FAT4: variants seen among roughly 807,000 people sequenced by gnomAD.
The protein encoded by FAT4 is protocadherin Fat 4.
FAT4 carries 84 observed loss-of-function variants against 303.9 expected under a neutral mutation model. That is an observed-to-expected ratio of 0.28 (90% confidence interval 0.23 to 0.33). The LOEUF is 0.33. Among genes scored for constraint, FAT4 ranks in the 10% least tolerant of loss-of-function variants. The probability of loss-of-function intolerance (pLI) is 1.00; values close to 1 mark genes in which losing one functional copy is unlikely to be tolerated. For missense variants in FAT4, 6,005 were observed against 6,146.8 expected (o/e 0.98, Z 0.77); for synonymous variants, 2,307 against 2,298.8 (o/e 1.00, Z -0.10).
At chr4:125,402,299 A>AATTT (rs1209323083) in intron 3 of FAT4, among the ~76,000 whole-genome samples, 10 of 151,908 alleles carry the variant, frequency 6.6e-5, no homozygotes, top group African/African-American at 2.4e-4. Context: ...CCAAGTACTT[A>AATTT]CTATTTTCAT....
intron 10 of FAT4, among the ~76,000 whole-genome samples, chr4:125,456,984 A>G (rs942608162): frequency 2.0e-5 from 3 of 151,948 alleles, no homozygotes; most frequent in African/African-American, 7.2e-5. Context: ...TATTTTTCAT[A>G]CTCTACTTTT....
At position 125,463,544 on chromosome 4, in the gene FAT4, T is replaced by G. The variant is rs763320798; in HGVS notation, c.11801-19T>G. The G allele has an allele frequency of 6.7e-7, 1 of 1,483,352 alleles. No homozygotes were observed. The highest frequency in any genetic ancestry group is 9.2e-7 in the Non-Finnish European group (1 of 1,087,818). The allele number at this position is 1,483,352 out of a possible 1,614,324, so 91.9% of individuals were successfully genotyped here. A position where few individuals can be genotyped will look rare whatever the true frequency, so the allele number is the denominator to read the frequency against. On this transcript the variant is annotated intron_variant, in intron 10 of 17. Transcript: ENST00000394329. ...TTTATGTATGAGATTTAAAAAAAAC[T>G]GAATTTGATATATTTTAGGGAAAAT...
At chr4:125,342,191 G>A (rs376658647) in intron 2 of FAT4, among the ~76,000 whole-genome samples, 72 of 151,980 alleles carry the variant, frequency 4.7e-4, no homozygotes, top group African/African-American at 1.5e-3. Context: ...ACATATTAAA[G>A]AGTACTATAA....
chr4:125,491,109 G>A lies in FAT4; in HGVS notation c.14293G>A (p.Gly4765Ser). The A allele has an allele frequency of 1.2e-6, 2 of 1,614,132 alleles. No individual in the cohort carries two copies. The highest frequency in any genetic ancestry group is 2.2e-5 in the South Asian group (2 of 91,088). The change falls in exon 18 of 18, where the codon GGT becomes AGT. Residue 4765 changes from glycine (G) to serine (S), a missense_variant. Physicochemically the swap from Gly to Ser is moderately conservative, Grantham distance 56. Transcript: ENST00000394329. ...SKSPQAMASH[G>S]SRPGSRLKQP... ...GAGTCCTCAGGCCATGGCATCACAT[G>A]GTTCTAGACCAGGGAGTCGCCTAAA...
Position 125,448,991 on chromosome 4 carries a change from G to C in FAT4, c.7981G>C (p.Val2661Leu). 6.2e-7 allele frequency: 1 copy of C among 1,613,822 alleles called. No homozygotes were observed. Among genetic ancestry groups the C allele is most frequent in the Non-Finnish European group, 8.5e-7 (1 of 1,179,858 alleles). Residue 2661 changes from valine (V) to leucine (L), a missense_variant, in exon 10 of 18, where the codon GTA becomes CTA. Physicochemically the swap from Val to Leu is conservative, Grantham distance 32 (BLOSUM62 1). Transcript: ENST00000394329. ...FSSYEKLDITVLDVNDNAPIF... is the reference protein window; with the variant it reads ...FSSYEKLDITLLDVNDNAPIF... ...CTCTTACGAGAAACTTGATATAACAGTATTAGATGTCAATGATAATGCCCC... is the reference window on the plus strand; with the variant it reads ...CTCTTACGAGAAACTTGATATAACACTATTAGATGTCAATGATAATGCCCC...
chr4:125,316,792 C>T lies in FAT4; in HGVS notation c.381C>T (p.Asp127=). The T allele has an allele frequency of 6.2e-7, 1 of 1,614,034 alleles. No individual in the cohort carries two copies. The highest frequency in any genetic ancestry group is 8.5e-7 in the Non-Finnish European group (1 of 1,179,992). The change falls in exon 2 of 18, where the codon GAC becomes GAT. Residue 127 remains aspartate, a synonymous_variant. Coordinates refer to ENST00000394329, the MANE Select transcript of FAT4 (RefSeq NM_001291303.3). This position sits in a 1 kb window ranked among gnomAD's most constrained non-coding sequence, Gnocchi z 5.7. The part of the protein sequence containing the change: ...YPTEVRVLVR[D]LNDNAPVFPD... The stretch of plus-strand genomic sequence containing the variant: ...CCGAAGTGCGAGTGCTGGTGCGGGA[C>T]CTCAATGACAACGCCCCCGTTTTCC...
intron 2 of FAT4, among the ~76,000 whole-genome samples, chr4:125,335,039 G>C (rs1731517743): frequency 6.6e-6 from 1 of 152,118 alleles, no homozygotes; most frequent in Non-Finnish European, 1.5e-5. Context: ...GGCAGATTTA[G>C]AACACCAGTT....
In FAT4 at chr4:125,477,211, C is replaced by A. The variant is rs1403495139; in HGVS notation, c.12356C>A (p.Pro4119Gln). The A allele has an allele frequency of 2.0e-6, 3 of 1,518,082 alleles. No homozygotes were observed. The highest frequency in any genetic ancestry group is 2.7e-6 in the Non-Finnish European group (3 of 1,127,522). 94.0% of individuals were successfully genotyped at this position (1,518,082 alleles called of 1,614,324 possible). A position where few individuals can be genotyped will look rare whatever the true frequency, so the allele number is the denominator to read the frequency against. The change falls in exon 14 of 18, where the codon CCA becomes CAA. Residue 4119 changes from proline (P) to glutamine (Q), a missense_variant. Coordinates refer to ENST00000394329, the MANE Select transcript of FAT4 (RefSeq NM_001291303.3). The stretch of plus-strand genomic sequence containing the variant: ...GTTGGAGGTATCAGATCTCTAGAAC[C>A]AATCCTTCAGAGAAGAGGACACGTG... ...VTVGGIRSLE[P>Q]ILQRRGHVES...
At chr4:125,429,446 A>G (rs1343339564) in intron 7 of FAT4, among the ~76,000 whole-genome samples, 1 of 152,196 alleles carries the variant, frequency 6.6e-6, no homozygotes, top group Non-Finnish European at 1.5e-5. Flanking sequence ...AACATCTGCA[A>G]TAAGAGTGGC....
intron 2 of FAT4, among the ~76,000 whole-genome samples, chr4:125,346,652 C>T (rs2940780): frequency 0.077 from 11,687 of 151,888 alleles, 559 homozygotes; most frequent in South Asian, 0.16. Context: ...ATTTACAACA[C>T]GTGAGAATGG....
chr4:125,478,264 A>G (rs1442076177), intron 14 of FAT4, among the ~76,000 whole-genome samples: 1 of 148,012 alleles, frequency 6.8e-6, no homozygotes, highest in Non-Finnish European at 1.5e-5. Flanking sequence ...GTTTTGTTAC[A>G]AAGTCACACT....
chr4:125,479,769 C>A lies in FAT4; in HGVS notation c.12508C>A (p.Arg4170Ser). ...CCCTAGGCTGGAAGGCGCTTGTACT[C>A]GCAGCCCATGCCAACATGGTGGCAC... ...QCPRLEGACT[R>S]SPCQHGGTCM... The change falls in exon 15 of 18, where the codon CGC becomes AGC. Residue 4170 changes from arginine to serine, a missense_variant. Physicochemically the swap from Arg to Ser is moderately radical, Grantham distance 110 (BLOSUM62 -1). Coordinates refer to ENST00000394329, the MANE Select transcript of FAT4 (RefSeq NM_001291303.3). 2 of 1,598,258 alleles carry A rather than the reference C, an allele frequency of 1.3e-6. No homozygotes were observed. The highest frequency in any genetic ancestry group is 1.7e-6 in the Non-Finnish European group (2 of 1,168,698).
intron 2 of FAT4, among the ~76,000 whole-genome samples, chr4:125,347,745 C>A (rs1321120352): frequency 6.6e-6 from 1 of 151,580 alleles, no homozygotes; most frequent in Non-Finnish European, 1.5e-5. Flanking sequence ...ACATAAAATA[C>A]TAAGATGATT....
intron 2 of FAT4, among the ~76,000 whole-genome samples, chr4:125,332,159 C>CTTTTTT (rs199702900): frequency 1.5e-5 from 2 of 133,294 alleles, no homozygotes; most frequent in Non-Finnish European, 3.2e-5. Flanking sequence ...CCGTTCCATT[C>CTTTTTT]TTTTTTTTTT....
chr4:125,483,740 A>G (rs1578696455), intron 16 of FAT4, among the ~76,000 whole-genome samples: 1 of 152,262 alleles, frequency 6.6e-6, no homozygotes, highest in East Asian at 1.9e-4. Context: ...GGGGCTTGGC[A>G]GGTAAAGAGA....
At chr4:125,444,095 C>T (rs144467339) in intron 8 of FAT4, among the ~76,000 whole-genome samples, 9 of 152,058 alleles carry the variant, frequency 5.9e-5, no homozygotes, top group African/African-American at 1.9e-4. Context: ...GACAGTCATA[C>T]GGGCAATAGC....
intron 2 of FAT4, among the ~76,000 whole-genome samples, chr4:125,324,982 A>G (rs1731097030): frequency 1.3e-5 from 2 of 152,128 alleles, no homozygotes; most frequent in South Asian, 4.1e-4. Flanking sequence ...ATCTAGCTCA[A>G]TAGAATACAG....
chr4:125,472,101 G>C (rs1726885914), intron 12 of FAT4, among the ~76,000 whole-genome samples: 2 of 146,960 alleles, frequency 1.4e-5, no homozygotes, highest in African/African-American at 5.0e-5. Flanking sequence ...GGTAGTTACT[G>C]GTAAGATTTA....
rs559461530 is a variant in FAT4 at position 125,360,435 on chromosome 4, C to T, written c.5176-38349C>T. Among the ~76,000 whole-genome samples, 85 of 152,176 alleles carry T rather than the reference C, an allele frequency of 5.6e-4. 1 individual carries two copies. The South Asian group carries it at 9.5e-3, about 17-fold the overall frequency. ...TATGTCATGAATATAAAGTTCTTAG[C>T]GGGGAGTTTGGCACATAGATCACAG... is the stretch of plus-strand genomic sequence containing the variant. On this transcript the variant is annotated intron_variant, in intron 2 of 17. Coordinates refer to ENST00000394329, the MANE Select transcript of FAT4 (RefSeq NM_001291303.3).
Sources: gnomAD v4.1 joint callset for allele counts (sites outside exome capture counted in the v4.1 genomes callset) on GRCh38, gnomAD v4.1.1 for gene constraint, Gnocchi (gnomAD v3.1) non-coding constraint, MANE v1.5 for transcripts, NCBI Gene and HGNC (gene_info 2026-07-23, HGNC 2026-07-21) for gene names.